GALNT15: variants seen among roughly 807,000 people sequenced by gnomAD.
GALNT15 encodes the protein polypeptide N-acetylgalactosaminyltransferase 15.
A neutral mutation model predicts 66.8 loss-of-function variants in GALNT15; 67 were observed. That is an observed-to-expected ratio of 1.00 (90% confidence interval 0.82 to 1.23). GALNT15 has a LOEUF of 1.23. Among genes scored for constraint, GALNT15 ranks in the 50% most tolerant of loss-of-function variants. GALNT15 has a pLI of 0.00. For missense variants in GALNT15, 827 were observed against 804.3 expected (o/e 1.03, Z -0.34); for synonymous variants, 313 against 311.5 (o/e 1.00, Z -0.05).
chr3:16,181,865 A>G lies in GALNT15; in HGVS notation c.539+6175A>G, dbSNP rs1318523443. ...TCGTGAAGGGATGCCACAAACACCA[A>G]CCTTCCAGCCCTCGAGTCCACAGTG... On this transcript the variant is annotated intron_variant, in intron 1 of 9. Coordinates refer to ENST00000339732, the MANE Select transcript of GALNT15 (RefSeq NM_054110.5). The surrounding 1 kb of genome is among the most constrained non-coding windows in gnomAD (Gnocchi z 5.9). Among the ~76,000 whole-genome samples the G allele has an allele frequency of 1.3e-5, 2 of 151,784 alleles. No homozygotes were observed. Among genetic ancestry groups the G allele is most frequent in the East Asian group, 3.9e-4 (2 of 5,166 alleles).
intron 2 of GALNT15, among the ~76,000 whole-genome samples, chr3:16,197,706 C>T (rs1346793936): frequency 6.6e-6 from 1 of 152,152 alleles, no homozygotes; most frequent in African/African-American, 2.4e-5. Flanking sequence ...GATGCCCACA[C>T]CAAATCATTA....
At chr3:16,207,819 T>C (rs1196282987) in intron 3 of GALNT15, among the ~76,000 whole-genome samples, 2 of 152,262 alleles carry the variant, frequency 1.3e-5, no homozygotes, top group East Asian at 3.9e-4. Context: ...GGCCCATAGT[T>C]TTCCCCTGAA....
the GALNT15 span, among the ~76,000 whole-genome samples, chr3:16,239,436 A>G: frequency 6.6e-6 from 1 of 152,168 alleles, no homozygotes; most frequent in African/African-American, 2.4e-5. The surrounding 1 kb of genome is among the most constrained non-coding windows in gnomAD (Gnocchi z 5.2). Context: ...AAACTGCAGG[A>G]CACTGAGACA....
rs2063851529 is a variant in GALNT15, at chr3:16,214,483, T to C, written c.1392+1720T>C. Among the ~76,000 whole-genome samples the C allele has an allele frequency of 2.0e-5, 3 of 152,360 alleles. No homozygotes were observed. In the South Asian group the frequency reaches 6.2e-4, roughly 32 times the overall value. ...ATAAATCCAAAGCACTTTAGATGAG[T>C]GCCTGGCACTGAGTAAGCCCTGCTT... On this transcript the variant is annotated intron_variant, in intron 6 of 9. Transcript: ENST00000339732.
In GALNT15 at chr3:16,181,741, G is replaced by A. The variant is rs2063473569; in HGVS notation, c.539+6051G>A. ...AAGAACAGGAACAAGCTGGGCTTGAGACCTGGGGCTGGAACTTAGCTCAAT... is the reference window on the plus strand; with the variant it reads ...AAGAACAGGAACAAGCTGGGCTTGAAACCTGGGGCTGGAACTTAGCTCAAT... On this transcript the variant is annotated intron_variant, in intron 1 of 9. Transcript: ENST00000339732. The surrounding 1 kb of genome is among the most constrained non-coding windows in gnomAD (Gnocchi z 5.9). Among the ~76,000 whole-genome samples the A allele has an allele frequency of 6.6e-6, 1 of 152,168 alleles. No individual in the cohort carries two copies. Among genetic ancestry groups the A allele is most frequent in the Non-Finnish European group, 1.5e-5 (1 of 68,030 alleles).
intron 6 of GALNT15, among the ~76,000 whole-genome samples, chr3:16,216,652 C>G (rs1345677536): frequency 6.6e-6 from 1 of 152,186 alleles, no homozygotes; most frequent in African/African-American, 2.4e-5. Context: ...GCTTGTGTCC[C>G]TTTTTCCCTG....
In GALNT15 at chr3:16,208,435, A is replaced by G. The variant is rs929839645; in HGVS notation, c.912-68A>G. 111 of 1,551,742 alleles carry G rather than the reference A, an allele frequency of 7.2e-5. No homozygotes were observed. In the East Asian group the frequency reaches 2.4e-3, roughly 33 times the overall value. On this transcript the variant is annotated intron_variant, in intron 3 of 9. Transcript: ENST00000339732. ...AGCCACCATACTGGGCAGCCCATGTACAGACTGTTTCCAGCCCCAGCAAGT... is the reference window on the plus strand; with the variant it reads ...AGCCACCATACTGGGCAGCCCATGTGCAGACTGTTTCCAGCCCCAGCAAGT...
chr3:16,207,746 A>G (rs1053426944), intron 3 of GALNT15, among the ~76,000 whole-genome samples: 1 of 152,166 alleles, frequency 6.6e-6, no homozygotes, highest in Non-Finnish European at 1.5e-5. Context: ...GCAGGGGTCC[A>G]TAAACTCTCT....
Position 16,188,293 on chromosome 3 carries a change from A to G in GALNT15, c.540-7467A>G, listed in dbSNP as rs1479381428. On this transcript the variant is annotated intron_variant, in intron 1 of 9. Transcript: ENST00000339732. This position sits in a 1 kb window ranked among gnomAD's most constrained non-coding sequence, Gnocchi z 4.6. The stretch of plus-strand genomic sequence containing the variant: ...GAAGTTACAGGAACTCAGTTGGCAC[A>G]AAATGGCAGCCATAGGTCGTGTCCC... Among the ~76,000 whole-genome samples the G allele has an allele frequency of 6.6e-6, 1 of 152,274 alleles. No individual in the cohort carries two copies. Among genetic ancestry groups the G allele is most frequent in the African/African-American group, 2.4e-5 (1 of 41,476 alleles).
chr3:16,246,992 T>C, the GALNT15 span, among the ~76,000 whole-genome samples: 1 of 152,202 alleles, frequency 6.6e-6, no homozygotes, highest in African/African-American at 2.4e-5. Flanking sequence ...GTGTTTCCTC[T>C]TCAGAATGTG....
At chr3:16,196,442 A>G (rs1267684033) in intron 2 of GALNT15, among the ~76,000 whole-genome samples, 2 of 152,148 alleles carry the variant, frequency 1.3e-5, no homozygotes, top group Non-Finnish European at 2.9e-5. Flanking sequence ...GAGTCAGCCA[A>G]AAGCAGCAGA....
At position 16,189,095 on chromosome 3, in the gene GALNT15, A is replaced by G. The variant is rs140669714; in HGVS notation, c.540-6665A>G. ...CTGCATTTTAACAACAACAACAAAA[A>G]AAGGAAGCCACCAAAGCCACTGGAT... On this transcript the variant is annotated intron_variant, in intron 1 of 9. Transcript: ENST00000339732. The surrounding 1 kb of genome is among the most constrained non-coding windows in gnomAD (Gnocchi z 5.1). Among the ~76,000 whole-genome samples, 325 of 152,188 alleles carry G rather than the reference A, an allele frequency of 2.1e-3. 1 individual carries two copies. Among genetic ancestry groups the G allele is most frequent in the Admixed American group, 5.8e-3 (88 of 15,300 alleles).
chr3:16,236,182 T>A (rs2064125101), downstream of GALNT15, among the ~76,000 whole-genome samples: 5 of 142,700 alleles, frequency 3.5e-5, no homozygotes, highest in South Asian at 1.1e-3. Context: ...AACAGTGGTA[T>A]GGAGAAGAAT....
chr3:16,223,440 G>T (rs1281563923), intron 9 of GALNT15, among the ~76,000 whole-genome samples: 1 of 151,918 alleles, frequency 6.6e-6, no homozygotes, highest in African/African-American at 2.4e-5. Context: ...AATGAGTTGG[G>T]GTATTAACAT....
chr3:16,207,959 G>A (rs535633487), intron 3 of GALNT15, among the ~76,000 whole-genome samples: 35 of 152,074 alleles, frequency 2.3e-4, no homozygotes, highest in South Asian at 4.1e-4. Context: ...GCCCAGAGAG[G>A]TATAACAGGT....
intron 3 of GALNT15, among the ~76,000 whole-genome samples, chr3:16,201,749 T>G (rs141331336): frequency 4.7e-4 from 72 of 152,324 alleles, no homozygotes; most frequent in African/African-American, 1.6e-3. Flanking sequence ...TCTGCTCTCC[T>G]TCCCCCATCT....
At chr3:16,240,137 A>G in the GALNT15 span, among the ~76,000 whole-genome samples, 22 of 152,238 alleles carry the variant, frequency 1.4e-4, no homozygotes, top group Non-Finnish European at 2.4e-4. Flanking sequence ...TGCTGTGACA[A>G]ATTTCACTGG....
chr3:16,241,550 T>C, the GALNT15 span, among the ~76,000 whole-genome samples: 1 of 151,912 alleles, frequency 6.6e-6, no homozygotes, highest in Non-Finnish European at 1.5e-5. The surrounding 1 kb of genome is among the most constrained non-coding windows in gnomAD (Gnocchi z 4.6). Context: ...CAACTTTTTT[T>C]TCTTTTTTTT....
At chr3:16,206,067 A>G (rs556028689) in intron 3 of GALNT15, among the ~76,000 whole-genome samples, 4 of 152,250 alleles carry the variant, frequency 2.6e-5, no homozygotes, top group Non-Finnish European at 4.4e-5. Context: ...AAAGCAACGT[A>G]CTCCTTTGTT....
Sources: allele counts gnomAD v4.1 joint callset (sites outside exome capture counted in the v4.1 genomes callset), GRCh38; gene constraint gnomAD v4.1.1; non-coding constraint Gnocchi (gnomAD v3.1); transcripts MANE v1.5; gene names NCBI Gene and HGNC (gene_info 2026-07-23, HGNC 2026-07-21).